Variants in TNR observed in about 807,000 individuals in gnomAD.
TNR encodes the protein tenascin R.
Under a neutral mutation model 150.4 loss-of-function variants are expected in TNR, and 45 were observed. That is an observed-to-expected ratio of 0.30 (90% CI 0.24 to 0.38). The LOEUF is 0.38. TNR is among the 10% of genes least tolerant of loss of function. The probability of loss-of-function intolerance (pLI) is 1.00; values close to 1 mark genes in which losing one functional copy is unlikely to be tolerated. For missense variants in TNR, 1,544 were observed against 1,759.1 expected (o/e 0.88, Z 2.19); for synonymous variants, 687 against 678.4 (o/e 1.01, Z -0.20).
chr1:175,712,945 A>G (rs988364117), intron 1 of TNR, among the ~76,000 whole-genome samples: 2 of 152,182 alleles, frequency 1.3e-5, no homozygotes, highest in African/African-American at 2.4e-5. Flanking sequence ...ATAAAGAAAA[A>G]GTCCATGATG....
intron 1 of TNR, among the ~76,000 whole-genome samples, chr1:175,604,505 T>G (rs1209753506): frequency 6.6e-6 from 1 of 152,176 alleles, no homozygotes; most frequent in Non-Finnish European, 1.5e-5. Context: ...GTGGGAAGGC[T>G]GGGCAGCATA....
At position 175,331,055 on chromosome 1, in the gene TNR, T is replaced by TTCTTTCTTTCCTTC. The variant is rs1553203340; in HGVS notation, c.3632-821_3632-820insGAAGGAAAGAAAGA. ...TTTCTTTCTTTCTTTCTTTCTTTCT[T>TTCTTTCTTTCCTTC]TCTTTCTTTCTTTCTTTCTTTCCTT... On this transcript the variant is annotated intron_variant, in intron 20 of 22. Coordinates refer to ENST00000367674, the MANE Select transcript of TNR (RefSeq NM_003285.3). Among the ~76,000 whole-genome samples, 200 of 117,238 alleles carry TTCTTTCTTTCCTTC rather than the reference T, an allele frequency of 1.7e-3. 9 individuals are homozygous for TTCTTTCTTTCCTTC. Among genetic ancestry groups the TTCTTTCTTTCCTTC allele is most frequent in the Admixed American group, 6.5e-3 (73 of 11,150 alleles). 76.9% of individuals were successfully genotyped at this position (117,238 alleles called of 152,430 possible).
intron 7 of TNR, among the ~76,000 whole-genome samples, chr1:175,388,029 T>A (rs1653012667): frequency 6.6e-6 from 1 of 152,220 alleles, no homozygotes; most frequent in Non-Finnish European, 1.5e-5. Flanking sequence ...ACAGAATATA[T>A]CCAGTTTCTT....
In TNR at chr1:175,316,755, C is replaced by T. The variant is rs1648856924; in HGVS notation, c.*6602G>A. 1 of 152,156 alleles carries T rather than the reference C, an allele frequency of 6.6e-6. No homozygotes were observed. Among genetic ancestry groups the T allele is most frequent in the Non-Finnish European group, 1.5e-5 (1 of 68,042 alleles). 9.4% of individuals were successfully genotyped at this position (152,156 alleles called of 1,614,324 possible). A position where few individuals can be genotyped will look rare whatever the true frequency, so the allele number is the denominator to read the frequency against. ...TCTCATTCTGTTGGGGACCCTCTCC[C>T]TCGTCTACCAAATTTAAAAAGAAAG... On this transcript the variant is annotated 3_prime_UTR_variant, in exon 23 of 23. Coordinates refer to ENST00000367674, the MANE Select transcript of TNR (RefSeq NM_003285.3).
chr1:175,331,077 CCT>C (rs1491122669), intron 20 of TNR, among the ~76,000 whole-genome samples: 307 of 93,868 alleles, frequency 3.3e-3, no homozygotes, highest in South Asian at 5.3e-3. Flanking sequence ...TTCTTTCTTT[CCT>C]TCTTTCTTTC....
At chr1:175,405,733 C>T (rs1458896378) in intron 3 of TNR, among the ~76,000 whole-genome samples, 2 of 151,958 alleles carry the variant, frequency 1.3e-5, no homozygotes, top group African/African-American at 4.8e-5. Flanking sequence ...CCTCTGAGAC[C>T]TTAATGACTA....
At chr1:175,367,576 A>C (rs569763863) in intron 9 of TNR, among the ~76,000 whole-genome samples, 5 of 152,202 alleles carry the variant, frequency 3.3e-5, no homozygotes, top group Non-Finnish European at 5.9e-5. Flanking sequence ...GTGTGCTCAC[A>C]TAAGTATACA....
chr1:175,339,953 T>C lies in TNR; in HGVS notation c.3383-2274A>G, dbSNP rs1372229703. On this transcript the variant is annotated intron_variant, in intron 18 of 22. Transcript: ENST00000367674. The stretch of plus-strand genomic sequence containing the variant: ...CAGATACTTTTTAAAGGCTCAAACA[T>C]ATTAGTTGCTTTAAAGCTAGACCTA... Among the ~76,000 whole-genome samples the C allele has an allele frequency of 2.0e-5, 3 of 152,172 alleles. No individual in the cohort carries two copies. The East Asian group carries it at 5.8e-4, about 29-fold the overall frequency.
intron 1 of TNR, among the ~76,000 whole-genome samples, chr1:175,590,315 T>A (rs1662748750): frequency 6.6e-6 from 1 of 152,246 alleles, no homozygotes; most frequent in Non-Finnish European, 1.5e-5. Context: ...AAATTTGATA[T>A]TTCATTTATC....
intron 2 of TNR, among the ~76,000 whole-genome samples, chr1:175,525,384 AGGTTT>A (rs763450825): frequency 5.3e-5 from 8 of 152,206 alleles, no homozygotes; most frequent in Non-Finnish European, 1.0e-4. Context: ...GACTGATCAG[AGGTTT>A]GGCATAGAGT....
intron 1 of TNR, among the ~76,000 whole-genome samples, chr1:175,737,455 A>G (rs1667801849): frequency 6.6e-6 from 1 of 152,236 alleles, no homozygotes; most frequent in Non-Finnish European, 1.5e-5. Context: ...GACTAGCTTT[A>G]TCATTAAGCC....
intron 2 of TNR, among the ~76,000 whole-genome samples, chr1:175,527,666 T>G (rs1319640679): frequency 6.6e-6 from 1 of 152,220 alleles, no homozygotes; most frequent in Non-Finnish European, 1.5e-5. Context: ...GACAACTCTA[T>G]GAATCCTAAG....
chr1:175,620,765 T>C (rs1663944381), intron 1 of TNR, among the ~76,000 whole-genome samples: 1 of 151,868 alleles, frequency 6.6e-6, no homozygotes, highest in African/African-American at 2.4e-5. Context: ...GAAGAGCCCC[T>C]CACCAGGGTG....
chr1:175,556,017 T>A (rs1007723672), intron 1 of TNR, among the ~76,000 whole-genome samples: 4 of 152,246 alleles, frequency 2.6e-5, no homozygotes, highest in African/African-American at 9.6e-5. Context: ...TTATATAGAA[T>A]AATCATGTAG....
chr1:175,339,410 G>C (rs1340883830), intron 18 of TNR, among the ~76,000 whole-genome samples: 1 of 152,182 alleles, frequency 6.6e-6, no homozygotes, highest in African/African-American at 2.4e-5. Context: ...AAAGCTAACT[G>C]TCATCTGCAG....
chr1:175,609,628 C>T (rs1378264924), intron 1 of TNR, among the ~76,000 whole-genome samples: 1 of 152,116 alleles, frequency 6.6e-6, no homozygotes, highest in Non-Finnish European at 1.5e-5. Flanking sequence ...CTTTGCAGGG[C>T]TAGAGACAAG....
intron 1 of TNR, among the ~76,000 whole-genome samples, chr1:175,690,270 C>T (rs918658975): frequency 1.3e-5 from 2 of 152,178 alleles, no homozygotes; most frequent in Non-Finnish European, 2.9e-5. Context: ...GTGACAAAGA[C>T]AGATGAGGTC....
chr1:175,510,983 T>C (rs759464504), intron 2 of TNR, among the ~76,000 whole-genome samples: 3 of 152,208 alleles, frequency 2.0e-5, no homozygotes, highest in Non-Finnish European at 4.4e-5. Context: ...TGGCAAAAAA[T>C]ATCACCAACA....
chr1:175,383,327 A>G (rs1046093531), intron 8 of TNR, among the ~76,000 whole-genome samples: 2 of 152,230 alleles, frequency 1.3e-5, no homozygotes, highest in South Asian at 4.1e-4. Flanking sequence ...AATCTGGAGT[A>G]TTCAGGTCAA....
Sources: allele counts gnomAD v4.1 joint callset (sites outside exome capture counted in the v4.1 genomes callset), GRCh38; gene constraint gnomAD v4.1.1; transcripts MANE v1.5; gene names NCBI Gene and HGNC (gene_info 2026-07-23, HGNC 2026-07-21).